Variants in COA1 observed in about 807,000 individuals in gnomAD.
COA1 encodes cytochrome c oxidase assembly factor 1.
COA1 carries 13 observed loss-of-function variants against 16.0 expected under a neutral mutation model. The observed-to-expected ratio is 0.81, with a 90% confidence interval of 0.53 to 1.29. COA1 has a LOEUF of 1.29. Ranked by LOEUF, COA1 falls within the 50% of genes most tolerant of loss-of-function variation. The probability of loss-of-function intolerance (pLI) is 0.00; values close to 1 mark genes in which losing one functional copy is unlikely to be tolerated. For synonymous variants in COA1, 65 were observed against 65.7 expected (o/e 0.99, Z 0.05); for missense variants, 179 against 177.0 (o/e 1.01, Z -0.06).
chr7:43,615,799 C>T (rs1480625060), intron 6 of COA1, among the ~76,000 whole-genome samples: 3 of 152,158 alleles, frequency 2.0e-5, no homozygotes, highest in African/African-American at 7.2e-5. Flanking sequence ...TTCCCTCTGC[C>T]TGGAATGCTT....
intron 1 of COA1, among the ~76,000 whole-genome samples, chr7:43,710,274 G>GGGA (rs1430669882): frequency 6.8e-6 from 1 of 146,520 alleles, no homozygotes; most frequent in Non-Finnish European, 1.5e-5. Context: ...ACTTGAACCT[G>GGGA]GGAGGAGGAG....
chr7:43,650,811 A>C (rs367919529), intron 1 of COA1: 102 of 140,494 alleles, frequency 7.3e-4, no homozygotes, highest in African/African-American at 2.5e-3. Flanking sequence ...ATACTCCCCC[A>C]CCACCAAAAA....
intron 1 of COA1, among the ~76,000 whole-genome samples, chr7:43,691,777 C>T (rs1383535699): frequency 6.6e-6 from 1 of 152,176 alleles, no homozygotes; most frequent in East Asian, 1.9e-4. Flanking sequence ...AGCCCAAGAC[C>T]TAGGAAGGCT....
intron 1 of COA1, among the ~76,000 whole-genome samples, chr7:43,715,321 C>CA (rs1321312364): frequency 2.0e-5 from 3 of 150,044 alleles, no homozygotes; most frequent in African/African-American, 4.9e-5. Context: ...ACTAAAAATA[C>CA]AAAAAAAAAT....
At chr7:43,719,614 C>T (rs1458185272) in intron 1 of COA1, among the ~76,000 whole-genome samples, 1 of 152,166 alleles carries the variant, frequency 6.6e-6, no homozygotes, top group Non-Finnish European at 1.5e-5. Context: ...TCCCCACACA[C>T]CGAATCTGTA....
At chr7:43,681,972 T>G (rs543211219) in intron 1 of COA1, among the ~76,000 whole-genome samples, 1 of 152,290 alleles carries the variant, frequency 6.6e-6, no homozygotes, top group African/African-American at 2.4e-5. Flanking sequence ...CATTGGAAAT[T>G]TAGTCTCTGA....
intron 1 of COA1, among the ~76,000 whole-genome samples, chr7:43,686,330 G>A (rs1289707708): frequency 3.8e-4 from 52 of 137,598 alleles, no homozygotes; most frequent in African/African-American, 1.4e-3. Flanking sequence ...TTTTTGAGAC[G>A]GAGTCTCGTT....
chr7:43,636,676 T>G (rs1324243576), downstream of COA1, among the ~76,000 whole-genome samples: 1 of 152,230 alleles, frequency 6.6e-6, no homozygotes, highest in Non-Finnish European at 1.5e-5. Context: ...TTACCAAAAC[T>G]CAGCAATAAA....
At chr7:43,720,807 AATCCATTTTTTG>A (rs2095492080) in intron 1 of COA1, among the ~76,000 whole-genome samples, 1 of 152,222 alleles carries the variant, frequency 6.6e-6, no homozygotes, top group Admixed American at 6.5e-5. Context: ...AGAAAAAGAG[AATCCATTTTTTG>A]GATGGGTTAG....
chr7:43,729,325 CA>C (rs1444969115), intron 1 of COA1, 103 bp downstream of exon 1: 1 of 152,374 alleles, frequency 6.6e-6, no homozygotes. Flanking sequence ...GGGAACTCTC[CA>C]AGAAGCAGCG....
At chr7:43,660,738 T>A (rs1200457338) in intron 1 of COA1, among the ~76,000 whole-genome samples, 2 of 152,166 alleles carry the variant, frequency 1.3e-5, no homozygotes, top group Non-Finnish European at 2.9e-5. Flanking sequence ...CTTGTCTTTA[T>A]CCTCCAAATG....
intron 6 of COA1, chr7:43,622,850 A>G (rs2084059738): frequency 6.6e-6 from 1 of 152,062 alleles, no homozygotes; most frequent in Non-Finnish European, 1.5e-5. Flanking sequence ...ACAGGCATGC[A>G]CCATGACACT....
Position 43,639,369 on chromosome 7 carries a change from G to T in COA1, c.*213C>A. ...AAATTTATAATAGGAGTTTCTTTCG[G>T]ATTCAGTTTAAAAATGACAAATAGC... is the stretch of plus-strand genomic sequence containing the variant. On this transcript the variant is annotated 3_prime_UTR_variant, in exon 6 of 6. Coordinates refer to ENST00000223336, the MANE Select transcript of COA1 (RefSeq NM_018224.4). 1 of 413,992 alleles carries T rather than the reference G, an allele frequency of 2.4e-6. No homozygotes were observed. Among genetic ancestry groups the T allele is most frequent in the Non-Finnish European group, 4.4e-6 (1 of 229,802 alleles). The allele number at this position is 413,992 out of a possible 1,614,324, so 25.6% of individuals were successfully genotyped here.
At chr7:43,642,620 G>A (rs1379820731) in intron 4 of COA1, among the ~76,000 whole-genome samples, 1 of 152,174 alleles carries the variant, frequency 6.6e-6, no homozygotes, top group Non-Finnish European at 1.5e-5. Flanking sequence ...GAAGCAAGAA[G>A]GATTCTGAAG....
At chr7:43,659,542 T>C (rs1456441565) in intron 1 of COA1, among the ~76,000 whole-genome samples, 1 of 152,206 alleles carries the variant, frequency 6.6e-6, no homozygotes, top group African/African-American at 2.4e-5. Context: ...TGAATATGAG[T>C]AGGGCAAACC....
At chr7:43,622,132 G>C (rs2083959049) in intron 6 of COA1, among the ~76,000 whole-genome samples, 1 of 152,150 alleles carries the variant, frequency 6.6e-6, no homozygotes, top group Non-Finnish European at 1.5e-5. Flanking sequence ...TAAGCTATTG[G>C]TATTTCCTGT....
intron 6 of COA1, among the ~76,000 whole-genome samples, chr7:43,628,958 C>CT (rs1396310032): frequency 6.6e-6 from 1 of 152,190 alleles, no homozygotes; most frequent in Non-Finnish European, 1.5e-5. Flanking sequence ...TGAAGATACT[C>CT]TTATTTTTCT....
At position 43,639,456 on chromosome 7, in the gene COA1, C is replaced by CCACT; in HGVS notation, c.*122_*125dup. The CCACT allele has an allele frequency of 1.4e-6, 1 of 709,038 alleles. No individual in the cohort carries two copies. The highest frequency in any genetic ancestry group is 2.5e-6 in the Non-Finnish European group (1 of 396,118). The allele number at this position is 709,038 out of a possible 1,614,324, so 43.9% of individuals were successfully genotyped here. On this transcript the variant is annotated 3_prime_UTR_variant, in exon 6 of 6. Coordinates refer to ENST00000223336, the MANE Select transcript of COA1 (RefSeq NM_018224.4). ...CCATGTGCTGGCACATACCATCATC[C>CCACT]CACTGGTGGCTGGAAAACTGGGTTG...
chr7:43,721,696 T>C (rs1213494227), intron 1 of COA1, among the ~76,000 whole-genome samples: 1 of 152,162 alleles, frequency 6.6e-6, no homozygotes. Flanking sequence ...GCAACTATTC[T>C]GCATCCTGAC....
Sources: allele counts gnomAD v4.1 joint callset (sites outside exome capture counted in the v4.1 genomes callset), GRCh38; gene constraint gnomAD v4.1.1; transcripts MANE v1.5; gene names NCBI Gene and HGNC (gene_info 2026-07-23, HGNC 2026-07-21).